NKAIN3: variants seen among roughly 807,000 people sequenced by gnomAD.
NKAIN3 encodes the protein sodium/potassium-transporting ATPase subunit beta-1-interacting protein 3.
A neutral mutation model predicts 30.2 loss-of-function variants in NKAIN3; 25 were observed. The ratio of observed to expected loss-of-function variants is 0.83; its 90% CI spans 0.60 to 1.16. The LOEUF (loss-of-function observed/expected upper bound fraction) is 1.16, where lower values mean the gene tolerates loss of function less well. Among genes scored for constraint, NKAIN3 ranks in the 50% most tolerant of loss-of-function variants. The pLI, the probability that NKAIN3 is intolerant of heterozygous loss-of-function variation, is 0.00. For missense variants in NKAIN3, 225 were observed against 254.1 expected (o/e 0.89, Z 0.78); for synonymous variants, 91 against 89.6 (o/e 1.02, Z -0.09).
intron 1 of NKAIN3, among the ~76,000 whole-genome samples, chr8:62,424,686 C>T (rs1327279585): frequency 6.6e-6 from 1 of 151,834 alleles, no homozygotes; most frequent in Non-Finnish European, 1.5e-5. Flanking sequence ...AACTCTTGTA[C>T]ACTATTGATG....
intron 5 of NKAIN3, among the ~76,000 whole-genome samples, chr8:62,933,256 CA>C (rs1822677064): frequency 6.6e-6 from 1 of 151,748 alleles, no homozygotes; most frequent in Non-Finnish European, 1.5e-5. Context: ...AAGAGAGAAA[CA>C]AAAGTAATAA....
chr8:62,288,185 C>T (rs1440620904), intron 1 of NKAIN3, among the ~76,000 whole-genome samples: 1 of 152,052 alleles, frequency 6.6e-6, no homozygotes, highest in East Asian at 1.9e-4. Flanking sequence ...GGACTGTGGG[C>T]TTCGTGAGAA....
chr8:62,512,013 G>A (rs1451609687), intron 1 of NKAIN3, among the ~76,000 whole-genome samples: 1 of 152,128 alleles, frequency 6.6e-6, no homozygotes, highest in African/African-American at 2.4e-5. Flanking sequence ...TTTTGCTGAT[G>A]TTTTTATTCC....
In NKAIN3 at chr8:62,315,604, G is replaced by A. The variant is rs149236929; in HGVS notation, c.54+66477G>A. On this transcript the variant is annotated intron_variant, in intron 1 of 6. Coordinates refer to ENST00000623646, the MANE Select transcript of NKAIN3 (RefSeq NM_001304533.3). ...CTTTGGCAAAGCAGAAATCAGGGAT[G>A]TGGCCATCTTGATCTAGTGCACCAA... is the stretch of plus-strand genomic sequence containing the variant. Among the ~76,000 whole-genome samples, 1,112 of 152,270 alleles carry A rather than the reference G, an allele frequency of 7.3e-3. 12 individuals carry two copies. The highest frequency in any genetic ancestry group is 0.025 in the African/African-American group (1,055 of 41,562).
chr8:62,519,303 C>T (rs1808085844), intron 1 of NKAIN3, among the ~76,000 whole-genome samples: 1 of 152,146 alleles, frequency 6.6e-6, no homozygotes, highest in African/African-American at 2.4e-5. Flanking sequence ...CTCATGTCTT[C>T]TGTTTTCATC....
intron 1 of NKAIN3, among the ~76,000 whole-genome samples, chr8:62,292,823 T>C (rs935807195): frequency 6.6e-6 from 1 of 152,146 alleles, no homozygotes; most frequent in African/African-American, 2.4e-5. Flanking sequence ...TCCTGAAGAG[T>C]GTTTTCCAAC....
At chr8:62,609,564 C>T (rs1347719232) in intron 3 of NKAIN3, among the ~76,000 whole-genome samples, 1 of 151,968 alleles carries the variant, frequency 6.6e-6, no homozygotes, top group African/African-American at 2.4e-5. Context: ...AGAATTTGCT[C>T]TCAAAGAGCT....
At chr8:62,862,038 A>C (rs949073618) in intron 4 of NKAIN3, among the ~76,000 whole-genome samples, 4 of 152,366 alleles carry the variant, frequency 2.6e-5, no homozygotes, top group African/African-American at 9.6e-5. Flanking sequence ...CCATTTGGCT[A>C]TTACATAATC....
chr8:62,687,840 A>G (rs1428978509), intron 3 of NKAIN3, among the ~76,000 whole-genome samples: 2 of 152,170 alleles, frequency 1.3e-5, no homozygotes, highest in African/African-American at 4.8e-5. Flanking sequence ...AGGCTTTTGG[A>G]TTGGAAAGCC....
chr8:62,995,800 CA>C (rs1431514029), intron 5 of NKAIN3, among the ~76,000 whole-genome samples: 6 of 151,970 alleles, frequency 3.9e-5, no homozygotes, highest in African/African-American at 1.5e-4. Context: ...TCCATAAAGC[CA>C]AAAATATTTA....
rs562610392 is a variant in NKAIN3 at position 62,279,806 on chromosome 8, A to G, written c.54+30679A>G. On this transcript the variant is annotated intron_variant, in intron 1 of 6. Transcript: ENST00000623646. Reference sequence around the variant, plus strand: ...GTAGTATAGTTTGAAGTCAGGTAGCATGATGCCTCCAGCTTTGTCCTTTTG... The same window carrying G: ...GTAGTATAGTTTGAAGTCAGGTAGCGTGATGCCTCCAGCTTTGTCCTTTTG... Among the ~76,000 whole-genome samples, 303 of 152,232 alleles carry G rather than the reference A, an allele frequency of 2.0e-3. 1 individual carries two copies. Among genetic ancestry groups the G allele is most frequent in the African/African-American group, 6.5e-3 (269 of 41,554 alleles).
intron 1 of NKAIN3, among the ~76,000 whole-genome samples, chr8:62,362,339 T>G (rs1386378091): frequency 1.1e-4 from 1 of 8,972 alleles, no homozygotes; most frequent in Non-Finnish European, 4.5e-4. Flanking sequence ...TGGGCATGTA[T>G]CATCAGCTCA....
intron 1 of NKAIN3, among the ~76,000 whole-genome samples, chr8:62,380,333 A>G (rs1238546498): frequency 3.3e-5 from 5 of 152,216 alleles, no homozygotes; most frequent in African/African-American, 1.2e-4. Context: ...TTTTGCTATA[A>G]GTCTAGTTGT....
At chr8:62,838,374 A>C (rs2130755836) in intron 4 of NKAIN3, among the ~76,000 whole-genome samples, 1 of 152,076 alleles carries the variant, frequency 6.6e-6, no homozygotes. Flanking sequence ...ATATTGTTCA[A>C]AGTGCTTCAC....
At chr8:62,487,600 G>A (rs1585862909) in intron 1 of NKAIN3, among the ~76,000 whole-genome samples, 1 of 152,152 alleles carries the variant, frequency 6.6e-6, no homozygotes, top group South Asian at 2.1e-4. Flanking sequence ...CTGCCTTAAT[G>A]TTACTTTCTT....
intron 1 of NKAIN3, among the ~76,000 whole-genome samples, chr8:62,536,666 C>T (rs2129868174): frequency 6.6e-6 from 1 of 151,932 alleles, no homozygotes; most frequent in South Asian, 2.1e-4. Flanking sequence ...CCTATAAAAT[C>T]CTTTTGAAAT....
At chr8:62,272,350 G>A (rs1812804758) in intron 1 of NKAIN3, among the ~76,000 whole-genome samples, 1 of 152,098 alleles carries the variant, frequency 6.6e-6, no homozygotes, top group South Asian at 2.1e-4. Flanking sequence ...AGTTCCCAAA[G>A]CACTGAAATG....
At chr8:62,516,828 T>C (rs1407690853) in intron 1 of NKAIN3, among the ~76,000 whole-genome samples, 1 of 152,110 alleles carries the variant, frequency 6.6e-6, no homozygotes, top group African/African-American at 2.4e-5. Flanking sequence ...AACTGTCAAT[T>C]TGATATTTTC....
At chr8:62,746,860 C>A in intron 3 of NKAIN3, 72 bp from the exon 4 acceptor site, 2 of 1,087,408 alleles carry the variant, frequency 1.8e-6, no homozygotes, top group Non-Finnish European at 2.7e-6. Flanking sequence ...CTGAATTCTT[C>A]CTAAGGTCAA....
Sources: gnomAD v4.1 joint callset for allele counts (sites outside exome capture counted in the v4.1 genomes callset) on GRCh38, gnomAD v4.1.1 for gene constraint, MANE v1.5 for transcripts, NCBI Gene and HGNC (gene_info 2026-07-23, HGNC 2026-07-21) for gene names.